ZFHX3: variants seen among roughly 807,000 people sequenced by gnomAD.
The protein encoded by ZFHX3 is zinc finger homeobox protein 3.
In ZFHX3, 42 loss-of-function variants were observed where a neutral mutation model predicts 279.1. The observed-to-expected ratio is 0.15, with a 90% CI of 0.12 to 0.19. The LOEUF (loss-of-function observed/expected upper bound fraction) is 0.19, where lower values mean the gene tolerates loss of function less well. ZFHX3 is among the 10% of genes least tolerant of loss of function. The probability of loss-of-function intolerance (pLI) is 1.00; values close to 1 mark genes in which losing one functional copy is unlikely to be tolerated. For missense variants in ZFHX3, 4,981 were observed against 4,754.0 expected (o/e 1.05, Z -1.40); for synonymous variants, 2,293 against 1,957.8 (o/e 1.17, Z -4.52).
chr16:73,112,135 G>A (rs192676082), intron 7 of ZFHX3, among the ~76,000 whole-genome samples: 2 of 152,142 alleles, frequency 1.3e-5, no homozygotes, highest in Admixed American at 1.3e-4. Context: ...CTTCTCTCCA[G>A]AGTTTTCCAT....
intron 1 of ZFHX3, among the ~76,000 whole-genome samples, chr16:73,036,704 C>T (rs1409613963): frequency 6.6e-6 from 1 of 151,914 alleles, no homozygotes; most frequent in Non-Finnish European, 1.5e-5. Flanking sequence ...TTGATCCCCT[C>T]GGTCGGTCGC....
At chr16:73,558,350 G>A (rs1239647064) in intron 2 of ZFHX3, 1 of 152,200 alleles carries the variant, frequency 6.6e-6, no homozygotes, top group Non-Finnish European at 1.5e-5. Context: ...CTCGTAAACA[G>A]TTCATGCGCT....
At chr16:73,303,637 C>A (rs1485660664) in intron 4 of ZFHX3, among the ~76,000 whole-genome samples, 2 of 152,108 alleles carry the variant, frequency 1.3e-5, no homozygotes, top group Non-Finnish European at 2.9e-5. Flanking sequence ...TAAGTCAAAC[C>A]AAAAACCTAC....
chr16:73,271,100 C>G (rs1374853524), intron 4 of ZFHX3, among the ~76,000 whole-genome samples: 1 of 152,182 alleles, frequency 6.6e-6, no homozygotes, highest in Non-Finnish European at 1.5e-5. Context: ...TGGGGTGTGG[C>G]CCAGGCCCTG....
chr16:73,416,318 A>G (rs1256844290), intron 3 of ZFHX3, among the ~76,000 whole-genome samples: 1 of 152,066 alleles, frequency 6.6e-6, no homozygotes, highest in Non-Finnish European at 1.5e-5. Flanking sequence ...AATCCTTTAT[A>G]GGGACCAGGG....
intron 1 of ZFHX3, among the ~76,000 whole-genome samples, chr16:73,833,543 G>A (rs954935687): frequency 1.3e-5 from 2 of 151,818 alleles, no homozygotes; most frequent in African/African-American, 2.4e-5. Context: ...TCATAAGTGG[G>A]AGTTGAACAA....
chr16:73,371,046 G>T (rs1447685104), intron 3 of ZFHX3, among the ~76,000 whole-genome samples: 2 of 151,962 alleles, frequency 1.3e-5, no homozygotes, highest in Non-Finnish European at 2.9e-5. Context: ...CATTGGCCAG[G>T]TGTGGTGGCT....
chr16:73,330,240 G>A (rs1212793758), intron 3 of ZFHX3, among the ~76,000 whole-genome samples: 1 of 152,184 alleles, frequency 6.6e-6, no homozygotes, highest in South Asian at 2.1e-4. Context: ...AGTAGCTAAT[G>A]ACCAGGAAGG....
chr16:73,588,579 A>G (rs142603666), intron 2 of ZFHX3, among the ~76,000 whole-genome samples: 8,949 of 151,654 alleles, frequency 0.059, 363 homozygotes, highest in South Asian at 0.1. Context: ...AGTCCCAGCT[A>G]CTCTGGAGGC....
intron 1 of ZFHX3, among the ~76,000 whole-genome samples, chr16:73,832,661 C>T (rs151266422): frequency 8.5e-5 from 13 of 152,278 alleles, no homozygotes; most frequent in East Asian, 1.9e-4. Context: ...AATCCTCCCC[C>T]CTCAGCCTCC....
intron 5 of ZFHX3, among the ~76,000 whole-genome samples, chr16:72,815,578 C>T (rs2266938): frequency 0.033 from 5,026 of 152,208 alleles, 602 homozygotes; most frequent in East Asian, 0.28. Flanking sequence ...TAGCATACAT[C>T]GTGGGCATAA....
intron 3 of ZFHX3, among the ~76,000 whole-genome samples, chr16:72,909,261 G>C (rs2039259753): frequency 6.6e-6 from 1 of 152,148 alleles, no homozygotes; most frequent in Non-Finnish European, 1.5e-5. Context: ...TAAATATTCA[G>C]AGGGTAAAAA....
intron 3 of ZFHX3, among the ~76,000 whole-genome samples, chr16:72,890,633 G>C (rs531066381): frequency 6.6e-6 from 1 of 152,048 alleles, no homozygotes; most frequent in East Asian, 1.9e-4. Context: ...TGATAATCCT[G>C]ATCACATGGG....
At chr16:73,856,017 A>G (rs1409676716) in intron 1 of ZFHX3, among the ~76,000 whole-genome samples, 3 of 152,246 alleles carry the variant, frequency 2.0e-5, no homozygotes, top group Non-Finnish European at 4.4e-5. Flanking sequence ...CTGTGGAGCC[A>G]CTAAAAAAAT....
intron 5 of ZFHX3, among the ~76,000 whole-genome samples, chr16:73,200,020 T>C (rs1051497386): frequency 6.6e-6 from 1 of 152,224 alleles, no homozygotes; most frequent in African/African-American, 2.4e-5. Flanking sequence ...TTTGCCTTTG[T>C]TGTAATCAAG....
At chr16:72,848,600 G>A (rs567611327) in intron 4 of ZFHX3, among the ~76,000 whole-genome samples, 9 of 151,762 alleles carry the variant, frequency 5.9e-5, no homozygotes, top group African/African-American at 1.7e-4. Flanking sequence ...CCCCTTCGGC[G>A]GCCTCCCAGG....
chr16:72,880,730 G>A (rs1173999440), intron 4 of ZFHX3, among the ~76,000 whole-genome samples: 1 of 152,104 alleles, frequency 6.6e-6, no homozygotes, highest in East Asian at 1.9e-4. Flanking sequence ...TAGAGCAGAG[G>A]TCAAAGATCT....
intron 3 of ZFHX3, among the ~76,000 whole-genome samples, chr16:72,945,486 C>A (rs551945580): frequency 2.0e-5 from 3 of 152,090 alleles, no homozygotes; most frequent in Admixed American, 2.0e-4. Context: ...GGAAATGAAC[C>A]GCAGGCCTCC....
intron 2 of ZFHX3, chr16:73,505,002 T>A (rs771758490): frequency 2.6e-5 from 4 of 151,586 alleles, no homozygotes; most frequent in Non-Finnish European, 5.9e-5. Flanking sequence ...CTGGCAAAGA[T>A]GAGGGGGCAA....
Sources: gnomAD v4.1 joint callset for allele counts (sites outside exome capture counted in the v4.1 genomes callset) on GRCh38, gnomAD v4.1.1 for gene constraint, MANE v1.5 for transcripts, NCBI Gene and HGNC (gene_info 2026-07-23, HGNC 2026-07-21) for gene names.